The following CDK1 variants were observed in gnomAD, a reference collection of about 807,000 sequenced individuals.
The protein encoded by CDK1 is cyclin dependent kinase 1.
CDK1 carries 5 observed loss-of-function variants against 34.6 expected under a neutral mutation model. That is an observed-to-expected ratio of 0.14 (90% CI 0.08 to 0.30). The LOEUF (loss-of-function observed/expected upper bound fraction) is 0.30. Among genes scored for constraint, CDK1 ranks in the 10% least tolerant of loss-of-function variants. CDK1 has a pLI of 1.00. For synonymous variants in CDK1, 108 were observed against 114.7 expected (o/e 0.94, Z 0.37); for missense variants, 157 against 345.7 (o/e 0.45, Z 4.33).
intron 2 of CDK1, among the ~76,000 whole-genome samples, chr10:60,782,862 C>G (rs563169562): frequency 1.3e-5 from 2 of 152,176 alleles, no homozygotes; most frequent in African/African-American, 4.8e-5. Context: ...TTTAACCCCT[C>G]TTCCAGTAGT....
Position 60,792,220 on chromosome 10 carries a change from C to T in CDK1, c.726C>T (p.Pro242=), listed in dbSNP as rs752172227. The change falls in exon 7 of 8, where the codon CCC becomes CCT. Residue 242 remains proline, a synonymous_variant. Coordinates refer to ENST00000395284, the MANE Select transcript of CDK1 (RefSeq NM_001786.5). Reference sequence around the variant, plus strand: ...TACAGGACTATAAGAATACATTTCCCAAATGGAAACCAGGAAGCCTAGCAT... The same window carrying T: ...TACAGGACTATAAGAATACATTTCCTAAATGGAAACCAGGAAGCCTAGCAT... ...ESLQDYKNTF[P]KWKPGSLASH... 6.2e-7 allele frequency: 1 copy of T among 1,612,448 alleles called. No homozygotes were observed. The highest frequency in any genetic ancestry group is 2.2e-5 in the East Asian group (1 of 44,806).
intron 5 of CDK1, among the ~76,000 whole-genome samples, 158 bp downstream of exon 5, chr10:60,788,388 T>C (rs1285031866): frequency 6.6e-6 from 1 of 152,126 alleles, no homozygotes; most frequent in Non-Finnish European, 1.5e-5. Context: ...GCATGCTATG[T>C]GAAAATGGAA....
intron 4 of CDK1, chr10:60,786,934 G>A (rs1432982487): frequency 7.1e-6 from 7 of 980,384 alleles, no homozygotes; most frequent in Non-Finnish European, 8.5e-6. Flanking sequence ...GAATGTATTA[G>A]AATAATACAT....
At chr10:60,792,814 A>G (rs547777180) in intron 7 of CDK1, among the ~76,000 whole-genome samples, 1 of 152,242 alleles carries the variant, frequency 6.6e-6, no homozygotes, top group Admixed American at 6.5e-5. Context: ...AATTAAGCTT[A>G]GATTTCCCCC....
chr10:60,792,384 AT>A, intron 7 of CDK1, 95 bp downstream of exon 7: 2 of 1,129,200 alleles, frequency 1.8e-6, no homozygotes, highest in Non-Finnish European at 2.5e-6. Context: ...GAACACTAAC[AT>A]TTTTGAGCTA....
Position 60,784,628 on chromosome 10 carries a change from A to G in CDK1, c.38-77A>G, listed in dbSNP as rs547013162. On this transcript the variant is annotated intron_variant, in intron 2 of 7. Coordinates refer to ENST00000395284, the MANE Select transcript of CDK1 (RefSeq NM_001786.5). ...CTGGACAAGAAAACAAGACCCTGCC[A>G]TAAGGAAAAAAAAAAAGAAAAAAAG... is the stretch of plus-strand genomic sequence containing the variant. 2.3e-5 allele frequency: 29 copies of G among 1,271,368 alleles called. No individual in the cohort carries two copies. The Middle Eastern group carries it at 6.1e-4, about 27-fold the overall frequency. The allele number at this position is 1,271,368 out of a possible 1,614,324, so 78.8% of individuals were successfully genotyped here.
intron 2 of CDK1, 84 bp from the exon 3 acceptor site, chr10:60,784,621 C>A: frequency 1.7e-6 from 2 of 1,179,040 alleles, no homozygotes; most frequent in Non-Finnish European, 2.4e-6. Flanking sequence ...GAAAACAAGA[C>A]CCTGCCATAA....
At chr10:60,783,333 C>T (rs1461345900) in intron 2 of CDK1, among the ~76,000 whole-genome samples, 1 of 152,004 alleles carries the variant, frequency 6.6e-6, no homozygotes, top group Non-Finnish European at 1.5e-5. Context: ...TTTAAAATGA[C>T]ACCAGTATTT....
chr10:60,784,645 GA>G, intron 2 of CDK1, 59 bp from the exon 3 acceptor site: 5 of 1,359,894 alleles, frequency 3.7e-6, no homozygotes, highest in Non-Finnish European at 5.1e-6. Context: ...AAAAAAAAAA[GA>G]AAAAAAGATC....
At position 60,782,862 on chromosome 10, in the gene CDK1, C is replaced by T. The variant is rs563169562; in HGVS notation, c.38-1843C>T. Reference sequence around the variant, plus strand: ...GAAAGTTCTGCTTTGTTTAACCCCTCTTCCAGTAGTTCAGTGAGAAGTGAT... The same window carrying T: ...GAAAGTTCTGCTTTGTTTAACCCCTTTTCCAGTAGTTCAGTGAGAAGTGAT... On this transcript the variant is annotated intron_variant, in intron 2 of 7. Coordinates refer to ENST00000395284, the MANE Select transcript of CDK1 (RefSeq NM_001786.5). Among the ~76,000 whole-genome samples, 4 of 152,296 alleles carry T rather than the reference C, an allele frequency of 2.6e-5. No homozygotes were observed. In the South Asian group the frequency reaches 8.3e-4, roughly 32 times the overall value.
intron 5 of CDK1, among the ~76,000 whole-genome samples, chr10:60,791,401 G>A (rs2080358745): frequency 6.6e-6 from 1 of 152,048 alleles, no homozygotes; most frequent in African/African-American, 2.4e-5. Context: ...AGAGTTTTTG[G>A]TGGAGTCTTT....
intron 2 of CDK1, among the ~76,000 whole-genome samples, chr10:60,780,910 A>G (rs888158004): frequency 1.3e-5 from 2 of 152,122 alleles, no homozygotes; most frequent in African/African-American, 4.8e-5. Flanking sequence ...GAAAATTCCC[A>G]ACTATATTTT....
intron 7 of CDK1, among the ~76,000 whole-genome samples, chr10:60,793,197 T>C (rs1760708034): frequency 6.6e-6 from 1 of 152,134 alleles, no homozygotes; most frequent in African/African-American, 2.4e-5. Flanking sequence ...CTGTGGGAAT[T>C]GAGTACCATG....
chr10:60,791,479 G>T (rs548056421), intron 5 of CDK1, among the ~76,000 whole-genome samples: 6 of 152,088 alleles, frequency 3.9e-5, no homozygotes, highest in African/African-American at 1.4e-4. Context: ...TGGCAATTTG[G>T]ATGCCCTTTA....
At chr10:60,792,788 A>T (rs1368264314) in intron 7 of CDK1, among the ~76,000 whole-genome samples, 1 of 152,040 alleles carries the variant, frequency 6.6e-6, no homozygotes, top group African/African-American at 2.4e-5. Context: ...GAGTGTAAAG[A>T]CTCCTTATGC....
At chr10:60,790,308 A>G (rs1399081931) in intron 5 of CDK1, among the ~76,000 whole-genome samples, 3 of 152,162 alleles carry the variant, frequency 2.0e-5, no homozygotes, top group Non-Finnish European at 4.4e-5. Context: ...CAGTGGCGTG[A>G]ACAGGGCTCA....
chr10:60,786,016 G>T (rs1589112016), intron 4 of CDK1: 13 of 1,147,966 alleles, frequency 1.1e-5, no homozygotes, highest in Non-Finnish European at 1.4e-5. Flanking sequence ...CATAGAACTG[G>T]TAGGTATTGT....
Position 60,785,761 on chromosome 10 carries a change from C to A in CDK1, c.292C>A (p.Gln98Lys). 1 of 1,604,796 alleles carries A rather than the reference C, an allele frequency of 6.2e-7. No homozygotes were observed. Among genetic ancestry groups the A allele is most frequent in the South Asian group, 1.1e-5 (1 of 90,282 alleles). The change falls in exon 4 of 8, where the codon CAG becomes AAG. Residue 98 changes from glutamine (Q) to lysine (K), a missense_variant. This residue lies in a region of CDK1 where 102 missense variants were observed against 233.6 expected (regional missense o/e 0.44). Coordinates refer to ENST00000395284, the MANE Select transcript of CDK1 (RefSeq NM_001786.5). Reference sequence around the variant, plus strand: ...ATACTTGGATTCTATCCCTCCTGGTCAGTACATGGATTCTTCACTTGTTAA... The same window carrying A: ...ATACTTGGATTCTATCCCTCCTGGTAAGTACATGGATTCTTCACTTGTTAA... ...KKYLDSIPPG[Q>K]YMDSSLVKSY...
At chr10:60,784,128 T>G (rs1261243308) in intron 2 of CDK1, among the ~76,000 whole-genome samples, 2 of 152,248 alleles carry the variant, frequency 1.3e-5, no homozygotes, top group African/African-American at 4.8e-5. Flanking sequence ...TGATCTATTT[T>G]GTTCTGTAAA....
Sources: gnomAD v4.1 joint callset for allele counts (sites outside exome capture counted in the v4.1 genomes callset) on GRCh38, gnomAD v4.1.1 for gene constraint, gnomAD v4.1.1 regional missense constraint, MANE v1.5 for transcripts, NCBI Gene and HGNC (gene_info 2026-07-23, HGNC 2026-07-21) for gene names.